Variants in COG5 observed in about 807,000 individuals in gnomAD.
The protein encoded by COG5 is conserved oligomeric Golgi complex subunit 5.
In COG5, 86 loss-of-function variants were observed where a neutral mutation model predicts 110.4. The ratio of observed to expected loss-of-function variants is 0.78; its 90% confidence interval spans 0.65 to 0.93. The LOEUF is 0.93. Among genes scored for constraint, COG5 ranks in the 40% least tolerant of loss-of-function variants. The pLI is 0.00. For missense variants in COG5, 1,077 were observed against 987.0 expected (o/e 1.09, Z -1.22); for synonymous variants, 360 against 334.6 (o/e 1.08, Z -0.83).
intron 12 of COG5, among the ~76,000 whole-genome samples, chr7:107,295,089 ATATATATATATATT>A (rs1356314253): frequency 4.5e-4 from 33 of 72,892 alleles, no homozygotes; most frequent in African/African-American, 9.6e-4. Context: ...ATATATATAT[ATATATATATATATT>A]TTTTTTTTTT....
chr7:107,492,124 A>G (rs1337389990), intron 6 of COG5, among the ~76,000 whole-genome samples: 2 of 151,934 alleles, frequency 1.3e-5, no homozygotes, highest in African/African-American at 4.8e-5. Context: ...TTCTGTCAGA[A>G]GAGCCAAAAC....
chr7:107,413,705 C>T (rs371528299), intron 6 of COG5, among the ~76,000 whole-genome samples: 7 of 152,300 alleles, frequency 4.6e-5, no homozygotes, highest in African/African-American at 1.7e-4. Context: ...TTGTCAAGCA[C>T]ATCTAGAGAC....
intron 11 of COG5, among the ~76,000 whole-genome samples, chr7:107,301,247 T>G (rs532306141): frequency 1.3e-5 from 2 of 152,132 alleles, no homozygotes; most frequent in African/African-American, 4.8e-5. Context: ...GCAAAAGAAA[T>G]TGATAAACTG....
chr7:107,434,186 T>C (rs941356707), intron 6 of COG5, among the ~76,000 whole-genome samples: 1 of 152,060 alleles, frequency 6.6e-6, no homozygotes, highest in African/African-American at 2.4e-5. Flanking sequence ...GGCAAGGATG[T>C]AGAAAAATTG....
At chr7:107,328,019 GA>G (rs1197849607) in intron 10 of COG5, among the ~76,000 whole-genome samples, 1 of 152,168 alleles carries the variant, frequency 6.6e-6, no homozygotes, top group Non-Finnish European at 1.5e-5. Flanking sequence ...TAAAAGCCAA[GA>G]GATGATAACA....
At chr7:107,283,507 A>G (rs775844530) in intron 13 of COG5, 64 bp downstream of exon 13, 18 of 1,379,236 alleles carry the variant, frequency 1.3e-5, no homozygotes, top group Non-Finnish European at 1.9e-5. Context: ...AGGTACTGCT[A>G]TCATATATCA....
chr7:107,476,135 T>C (rs1796964509), intron 6 of COG5, among the ~76,000 whole-genome samples: 1 of 140,358 alleles, frequency 7.1e-6, no homozygotes, highest in East Asian at 2.2e-4. Flanking sequence ...CTTCCTCACT[T>C]TGCTTAAGTC....
intron 7 of COG5, among the ~76,000 whole-genome samples, chr7:107,373,746 T>G (rs575750588): frequency 3.3e-5 from 5 of 152,276 alleles, no homozygotes; most frequent in Non-Finnish European, 5.9e-5. Flanking sequence ...GTTGAGACAC[T>G]GACATATATT....
chr7:107,488,043 T>C (rs1360528624), intron 6 of COG5, among the ~76,000 whole-genome samples: 2 of 152,020 alleles, frequency 1.3e-5, no homozygotes, highest in Non-Finnish European at 2.9e-5. Flanking sequence ...TAATGTAACT[T>C]TACAAATTAA....
At position 107,211,025 on chromosome 7, in the gene COG5, T is replaced by C. The variant is rs372358257; in HGVS notation, c.2295+74A>G. ...CAGCAGAGGGCCAGGAATCATTCAGTGAGTAGGGGCTCAGGATTCACACAG... is the reference window on the plus strand; with the variant it reads ...CAGCAGAGGGCCAGGAATCATTCAGCGAGTAGGGGCTCAGGATTCACACAG... On this transcript the variant is annotated intron_variant, in intron 20 of 21. Transcript: ENST00000297135. The C allele has an allele frequency of 9.4e-5, 144 of 1,536,744 alleles. No individual in the cohort carries two copies. The African/African-American group carries it at 1.5e-3, about 16-fold the overall frequency.
At chr7:107,373,164 GAACC>G (rs1189238852) in intron 7 of COG5, among the ~76,000 whole-genome samples, 1 of 152,036 alleles carries the variant, frequency 6.6e-6, no homozygotes, top group Non-Finnish European at 1.5e-5. Flanking sequence ...ACTGAGAGCT[GAACC>G]ATGCAGACTT....
intron 6 of COG5, among the ~76,000 whole-genome samples, chr7:107,458,039 T>C (rs565501881): frequency 3.9e-5 from 6 of 152,082 alleles, no homozygotes; most frequent in Non-Finnish European, 7.4e-5. Flanking sequence ...GGAACAAAGA[T>C]AAGAATGATC....
chr7:107,557,706 C>T (rs898103655), intron 2 of COG5, among the ~76,000 whole-genome samples: 1 of 152,156 alleles, frequency 6.6e-6, no homozygotes, highest in African/African-American at 2.4e-5. Context: ...CGAACACATC[C>T]TATTTTTTGC....
intron 19 of COG5, among the ~76,000 whole-genome samples, chr7:107,218,300 C>T (rs188374744): frequency 6.6e-6 from 1 of 152,196 alleles, no homozygotes; most frequent in Admixed American, 6.5e-5. Context: ...AGATTCAATG[C>T]AATCCCTATG....
intron 19 of COG5, among the ~76,000 whole-genome samples, chr7:107,228,369 A>G (rs1800523248): frequency 6.6e-6 from 1 of 151,478 alleles, no homozygotes; most frequent in Non-Finnish European, 1.5e-5. Context: ...CTTTTCTCAT[A>G]CCTTTTTCAA....
At chr7:107,440,887 T>G (rs543875602) in intron 6 of COG5, among the ~76,000 whole-genome samples, 1 of 152,294 alleles carries the variant, frequency 6.6e-6, no homozygotes, top group South Asian at 2.1e-4. Flanking sequence ...GTATCCTTTA[T>G]TTTAAAACAA....
chr7:107,336,479 A>T (rs1810710367), intron 10 of COG5, among the ~76,000 whole-genome samples: 1 of 152,240 alleles, frequency 6.6e-6, no homozygotes, highest in African/African-American at 2.4e-5. Context: ...TCGATAGATC[A>T]GCAGGGTGAT....
intron 7 of COG5, among the ~76,000 whole-genome samples, chr7:107,378,789 A>T (rs1814848684): frequency 6.6e-6 from 1 of 152,236 alleles, no homozygotes; most frequent in Non-Finnish European, 1.5e-5. Context: ...GACCAAATCT[A>T]CGTTTGATTG....
chr7:107,390,345 C>A (rs769298384), intron 7 of COG5, among the ~76,000 whole-genome samples: 2 of 152,096 alleles, frequency 1.3e-5, no homozygotes, highest in African/African-American at 4.8e-5. Flanking sequence ...ACCTCTCTTA[C>A]GGCAAGGTAT....
Sources: gnomAD v4.1 joint callset for allele counts (sites outside exome capture counted in the v4.1 genomes callset) on GRCh38, gnomAD v4.1.1 for gene constraint, MANE v1.5 for transcripts, NCBI Gene and HGNC (gene_info 2026-07-23, HGNC 2026-07-21) for gene names.